GAREM1: variants seen among roughly 807,000 people sequenced by gnomAD.
The protein encoded by GAREM1 is GRB2 associated regulator of MAPK1 subtype 1.
Under a neutral mutation model 71.3 loss-of-function variants are expected in GAREM1, and 26 were observed. The ratio of observed to expected loss-of-function variants is 0.36; its 90% CI spans 0.27 to 0.51. GAREM1 has a LOEUF of 0.51. GAREM1 is among the 20% of genes least tolerant of loss of function. The pLI is 0.95. For missense variants in GAREM1, 1,026 were observed against 1,103.1 expected (o/e 0.93, Z 0.99); for synonymous variants, 440 against 433.2 (o/e 1.02, Z -0.20).
chr18:32,368,125 G>A (rs548288145), intron 2 of GAREM1, among the ~76,000 whole-genome samples: 1 of 150,816 alleles, frequency 6.6e-6, no homozygotes, highest in African/African-American at 2.4e-5. Flanking sequence ...CTCCCAAGAA[G>A]CCCTGGCAGC....
At chr18:32,338,768 G>A (rs1598972003) in intron 2 of GAREM1, among the ~76,000 whole-genome samples, 1 of 152,182 alleles carries the variant, frequency 6.6e-6, no homozygotes, top group East Asian at 1.9e-4. Flanking sequence ...CTTACTGAGT[G>A]TGATGGTTAA....
intron 1 of GAREM1, among the ~76,000 whole-genome samples, chr18:32,413,450 G>T (rs1012288233): frequency 6.6e-6 from 1 of 152,172 alleles, no homozygotes; most frequent in Non-Finnish European, 1.5e-5. Context: ...ACACATAACA[G>T]AGGGTTAATA....
intron 2 of GAREM1, among the ~76,000 whole-genome samples, chr18:32,319,601 C>T (rs11872811): frequency 0.11 from 17,432 of 152,196 alleles, 1,612 homozygotes; most frequent in African/African-American, 0.26. Context: ...CTTTTAAAGA[C>T]TGCCTAACGT....
chr18:32,408,806 A>C (rs80036215), intron 1 of GAREM1, among the ~76,000 whole-genome samples: 166 of 152,314 alleles, frequency 1.1e-3, no homozygotes, highest in African/African-American at 3.3e-3. Flanking sequence ...TCTATATGCC[A>C]ATCAAATCAG....
intron 2 of GAREM1, among the ~76,000 whole-genome samples, chr18:32,329,302 G>A (rs1051977620): frequency 1.3e-5 from 2 of 152,072 alleles, no homozygotes; most frequent in Non-Finnish European, 2.9e-5. Context: ...CTCGAGCCCA[G>A]GAGTTTGAGG....
At position 32,334,454 on chromosome 18, in the gene GAREM1, G is replaced by C. The variant is rs924076291; in HGVS notation, c.263-24131C>G. The stretch of plus-strand genomic sequence containing the variant: ...ATACTCTTAAACAGTCACAGGGAGT[G>C]GGGGGAGGATGGACAAGCGAAAGCC... On this transcript the variant is annotated intron_variant, in intron 2 of 5. Transcript: ENST00000269209. 5.3e-5 allele frequency among the ~76,000 whole-genome samples: 8 copies of C among 152,274 alleles called. No individual in the cohort carries two copies. In the East Asian group the frequency reaches 5.8e-4, roughly 11 times the overall value.
chr18:32,443,793 A>G (rs1331798251), intron 1 of GAREM1, among the ~76,000 whole-genome samples: 4 of 152,186 alleles, frequency 2.6e-5, no homozygotes, highest in Admixed American at 2.6e-4. Flanking sequence ...AAATGAAAAC[A>G]AATGTCCGCA....
At chr18:32,457,091 T>C (rs1052925192) in intron 1 of GAREM1, among the ~76,000 whole-genome samples, 9 of 150,412 alleles carry the variant, frequency 6.0e-5, no homozygotes, top group African/African-American at 2.2e-4. Context: ...TGGGCTGGTT[T>C]GGAGGAATGG....
intron 2 of GAREM1, among the ~76,000 whole-genome samples, chr18:32,311,895 C>T (rs2047327940): frequency 6.6e-6 from 1 of 152,180 alleles, no homozygotes; most frequent in African/African-American, 2.4e-5. Flanking sequence ...GTTGAGAAGA[C>T]CATAAAGGTG....
In GAREM1 at chr18:32,470,321, C is replaced by T; in HGVS notation, c.108G>A (p.Ala36=). ...LVSTYRLPQI[A]RLDNGECVEG... is the part of the protein sequence containing the mutation. ...GCTGGGACTCACCGTTGTCCAGGCG[C>T]GCGATCTGGGGCAGCCGGTAAGTGC... The change falls in exon 1 of 6, where the codon GCG becomes GCA. Residue 36 remains alanine (A), a synonymous_variant. Coordinates refer to ENST00000269209, the MANE Select transcript of GAREM1 (RefSeq NM_001242409.2). This position sits in a 1 kb window ranked among gnomAD's most constrained non-coding sequence, Gnocchi z 4.4. The T allele has an allele frequency of 6.4e-7, 1 of 1,556,540 alleles. No individual in the cohort carries two copies. The highest frequency in any genetic ancestry group is 8.7e-7 in the Non-Finnish European group (1 of 1,154,250).
chr18:32,360,701 T>C (rs570349470), intron 2 of GAREM1, among the ~76,000 whole-genome samples: 1 of 152,340 alleles, frequency 6.6e-6, no homozygotes, highest in South Asian at 2.1e-4. Flanking sequence ...TGGCATGTCA[T>C]CCTCACTATA....
chr18:32,313,737 T>C (rs763697785), intron 2 of GAREM1, among the ~76,000 whole-genome samples: 4 of 151,960 alleles, frequency 2.6e-5, no homozygotes, highest in Non-Finnish European at 5.9e-5. Context: ...AATTGCGAAG[T>C]GGAATGGTAA....
chr18:32,436,411 AACT>A (rs1213666120), intron 1 of GAREM1, among the ~76,000 whole-genome samples: 2 of 152,210 alleles, frequency 1.3e-5, no homozygotes, highest in Admixed American at 6.5e-5. Context: ...CAAGAAAAAT[AACT>A]ACAAGAGGAC....
chr18:32,268,864 C>T (rs894316366), intron 5 of GAREM1, 96 bp from the exon 6 acceptor site: 37 of 1,012,448 alleles, frequency 3.7e-5, no homozygotes, highest in African/African-American at 3.1e-4. Flanking sequence ...AGTAGAAAAG[C>T]GCAGTTAGTT....
chr18:32,348,713 T>C (rs902880720), intron 2 of GAREM1, among the ~76,000 whole-genome samples: 1 of 152,152 alleles, frequency 6.6e-6, no homozygotes, highest in African/African-American at 2.4e-5. Context: ...ACTGAGTGAA[T>C]GAGACTCCAT....
chr18:32,402,898 G>A (rs1264044150), intron 1 of GAREM1, among the ~76,000 whole-genome samples: 1 of 148,264 alleles, frequency 6.7e-6, no homozygotes, highest in East Asian at 2.0e-4. Context: ...CCTTTTGGTT[G>A]GATTTTCAAT....
chr18:32,268,867 A>G, intron 5 of GAREM1, 99 bp from the exon 6 acceptor site: 4 of 993,086 alleles, frequency 4.0e-6, no homozygotes, highest in Non-Finnish European at 5.9e-6. Flanking sequence ...AGAAAAGCGC[A>G]GTTAGTTTTG....
At position 32,374,772 on chromosome 18, in the gene GAREM1, C is replaced by T. The variant is rs1009440676; in HGVS notation, c.262+18123G>A. ...ACTGTTCAACCATTTAGGTATCTAC[C>T]GTGTACCTGGCATACCACAAAGGTA... On this transcript the variant is annotated intron_variant, in intron 2 of 5. Transcript: ENST00000269209. 7.9e-5 allele frequency among the ~76,000 whole-genome samples: 12 copies of T among 152,084 alleles called. No individual in the cohort carries two copies. In the East Asian group the frequency reaches 2.1e-3, roughly 27 times the overall value.
chr18:32,264,459 G>A lies in GAREM1; in HGVS notation c.*3412C>T, dbSNP rs1365862613. 6.6e-6 allele frequency: 1 copy of A among 152,172 alleles called. No individual in the cohort carries two copies. The highest frequency in any genetic ancestry group is 1.5e-5 in the Non-Finnish European group (1 of 68,050). 9.4% of individuals were successfully genotyped at this position (152,172 alleles called of 1,614,324 possible). ...TTCCACACCCCACCTCCCATCCCTG[G>A]ACTTCTCAGGGAGCTGTATGGATAA... On this transcript the variant is annotated 3_prime_UTR_variant, in exon 6 of 6. Transcript: ENST00000269209.
Sources: gnomAD v4.1 joint callset for allele counts (sites outside exome capture counted in the v4.1 genomes callset) on GRCh38, gnomAD v4.1.1 for gene constraint, Gnocchi (gnomAD v3.1) non-coding constraint, MANE v1.5 for transcripts, NCBI Gene and HGNC (gene_info 2026-07-23, HGNC 2026-07-21) for gene names.